The following SPAG16 variants were observed in gnomAD, a reference collection of about 807,000 sequenced individuals.
SPAG16 encodes the protein sperm-associated antigen 16 protein.
SPAG16 carries 86 observed loss-of-function variants against 80.4 expected under a neutral mutation model. The observed-to-expected ratio is 1.07, with a 90% confidence interval of 0.90 to 1.28. The LOEUF (loss-of-function observed/expected upper bound fraction) is 1.28. Among genes scored for constraint, SPAG16 ranks in the 50% most tolerant of loss-of-function variants. The pLI, the probability that SPAG16 is intolerant of heterozygous loss-of-function variation, is 0.00. For synonymous variants in SPAG16, 294 were observed against 265.9 expected (o/e 1.11, Z -1.03); for missense variants, 870 against 765.3 (o/e 1.14, Z -1.61).
intron 6 of SPAG16, among the ~76,000 whole-genome samples, chr2:213,342,348 ATGTATATATATATTACATATATATG>A (rs2064740802): frequency 1.8e-5 from 1 of 56,926 alleles, no homozygotes; most frequent in Admixed American, 2.2e-4. Flanking sequence ...TATTACATAT[ATGTATATATATATTACATATATATG>A]TATTATATAT....
chr2:213,841,542 C>G (rs1402759392), intron 10 of SPAG16, among the ~76,000 whole-genome samples: 13 of 152,014 alleles, frequency 8.6e-5, no homozygotes, highest in Non-Finnish European at 2.9e-5. Context: ...ATAGCGTTAG[C>G]ATTGTTCTTT....
chr2:213,964,490 A>G (rs1294604717), intron 12 of SPAG16, among the ~76,000 whole-genome samples: 1 of 152,070 alleles, frequency 6.6e-6, no homozygotes, highest in Admixed American at 6.6e-5. Flanking sequence ...GTTTTTCTGG[A>G]CACAGTTTTC....
At chr2:213,742,972 C>A (rs1256600766) in intron 10 of SPAG16, among the ~76,000 whole-genome samples, 2 of 151,970 alleles carry the variant, frequency 1.3e-5, no homozygotes, top group African/African-American at 4.8e-5. Flanking sequence ...GGTGAGATCT[C>A]CACTCACTGC....
At chr2:213,553,073 TCAC>T (rs2076834368) in intron 10 of SPAG16, among the ~76,000 whole-genome samples, 1 of 152,146 alleles carries the variant, frequency 6.6e-6, no homozygotes, top group African/African-American at 2.4e-5. Context: ...TTGTGGGACT[TCAC>T]CTTCACCTTG....
At chr2:213,814,005 A>T (rs1295579314) in intron 10 of SPAG16, among the ~76,000 whole-genome samples, 2 of 152,170 alleles carry the variant, frequency 1.3e-5, no homozygotes, top group Non-Finnish European at 2.9e-5. Flanking sequence ...AGTGGGTAGG[A>T]GGAGACGGAG....
chr2:213,499,411 A>G (rs2074639453), intron 10 of SPAG16, among the ~76,000 whole-genome samples: 1 of 152,162 alleles, frequency 6.6e-6, no homozygotes, highest in African/African-American at 2.4e-5. Flanking sequence ...GAGAGCACAG[A>G]TCATATCTTG....
intron 12 of SPAG16, among the ~76,000 whole-genome samples, chr2:213,956,438 T>A (rs1575645996): frequency 2.9e-5 from 4 of 136,752 alleles, no homozygotes; most frequent in African/African-American, 1.0e-4. Flanking sequence ...TTTACTCCAT[T>A]TTTTTTCCTT....
At chr2:214,075,732 T>C (rs2051042845) in intron 13 of SPAG16, among the ~76,000 whole-genome samples, 1 of 152,176 alleles carries the variant, frequency 6.6e-6, no homozygotes. Context: ...CACATGATGA[T>C]AATTAAGTGA....
intron 10 of SPAG16, among the ~76,000 whole-genome samples, chr2:213,631,605 C>T (rs1446764471): frequency 6.6e-6 from 1 of 151,982 alleles, no homozygotes; most frequent in Non-Finnish European, 1.5e-5. Context: ...TGTAGGACTT[C>T]CATAACTTGA....
chr2:214,392,246 C>T (rs1281493187), intron 15 of SPAG16, among the ~76,000 whole-genome samples: 1 of 152,100 alleles, frequency 6.6e-6, no homozygotes, highest in Admixed American at 6.5e-5. Flanking sequence ...TCACTACAAC[C>T]TCTGCCTCAA....
At chr2:213,816,621 T>C (rs554666245) in intron 10 of SPAG16, among the ~76,000 whole-genome samples, 2 of 152,188 alleles carry the variant, frequency 1.3e-5, no homozygotes, top group South Asian at 2.1e-4. Context: ...GAGATACTTA[T>C]GCCAATATCC....
At chr2:214,229,951 T>C (rs1688575303) in intron 15 of SPAG16, among the ~76,000 whole-genome samples, 1 of 151,824 alleles carries the variant, frequency 6.6e-6, no homozygotes, top group Non-Finnish European at 1.5e-5. Flanking sequence ...AGATTCAACC[T>C]CATATTCAGT....
chr2:213,687,378 G>A (rs751649778), intron 10 of SPAG16, among the ~76,000 whole-genome samples: 18 of 152,036 alleles, frequency 1.2e-4, no homozygotes, highest in Non-Finnish European at 2.4e-4. Context: ...ATTTCTTTGA[G>A]GGAATTTTAA....
intron 15 of SPAG16, among the ~76,000 whole-genome samples, chr2:214,316,335 T>C (rs1695689575): frequency 6.6e-6 from 1 of 152,164 alleles, no homozygotes; most frequent in Non-Finnish European, 1.5e-5. Flanking sequence ...TTGACTGAGA[T>C]GGGAGGACAT....
intron 10 of SPAG16, among the ~76,000 whole-genome samples, chr2:213,699,034 A>G (rs1454918389): frequency 6.6e-6 from 1 of 152,110 alleles, no homozygotes; most frequent in East Asian, 1.9e-4. Context: ...TTCTGCTGGT[A>G]ATTCTACCAT....
At chr2:214,217,895 A>C (rs2125767421) in intron 15 of SPAG16, among the ~76,000 whole-genome samples, 1 of 152,228 alleles carries the variant, frequency 6.6e-6, no homozygotes, top group African/African-American at 2.4e-5. Flanking sequence ...TGGGTCTCAA[A>C]CTTCTGTCTC....
At chr2:213,322,363 A>AT (rs2063661753) in intron 5 of SPAG16, among the ~76,000 whole-genome samples, 2 of 120,656 alleles carry the variant, frequency 1.7e-5, no homozygotes, top group African/African-American at 3.0e-5. Flanking sequence ...AAAACAAAAA[A>AT]CTCGTTTGGG....
chr2:213,781,613 G>A (rs997637445), intron 10 of SPAG16, among the ~76,000 whole-genome samples: 1 of 152,110 alleles, frequency 6.6e-6, no homozygotes, highest in South Asian at 2.1e-4. Flanking sequence ...AACGGAAAGC[G>A]GTATTTTACA....
In SPAG16 at chr2:213,949,179, T is replaced by TTTTTTTTTTTTTTTTTTTTTTTTTTG. The variant is rs1553677674; in HGVS notation, c.1400+19048_1400+19049insTTTTTTTTTTTGTTTTTTTTTTTTTT. ...TACTTAATTACAACAGTTTTTTTTT[T>TTTTTTTTTTTTTTTTTTTTTTTTTTG]TTTTTTTTTTTTTTGAGGTAGAGTC... On this transcript the variant is annotated intron_variant, in intron 12 of 15. Transcript: ENST00000331683. 5.1e-3 allele frequency among the ~76,000 whole-genome samples: 184 copies of TTTTTTTTTTTTTTTTTTTTTTTTTTG among 36,230 alleles called. 12 individuals carry two copies. The highest frequency in any genetic ancestry group is 9.1e-3 in the Admixed American group (19 of 2,092). The allele number at this position is 36,230 out of a possible 152,430, so 23.8% of individuals were successfully genotyped here. A position where few individuals can be genotyped will look rare whatever the true frequency, so the allele number is the denominator to read the frequency against.
Sources: allele counts gnomAD v4.1 joint callset (sites outside exome capture counted in the v4.1 genomes callset), GRCh38; gene constraint gnomAD v4.1.1; transcripts MANE v1.5; gene names NCBI Gene and HGNC (gene_info 2026-07-23, HGNC 2026-07-21).